The following THAP10 variants were observed in gnomAD, a reference collection of about 807,000 sequenced individuals.
THAP10 encodes THAP domain-containing protein 10.
A neutral mutation model predicts 15.7 loss-of-function variants in THAP10; 10 were observed. The ratio of observed to expected loss-of-function variants is 0.64; its 90% CI spans 0.39 to 1.08. The LOEUF is 1.08. THAP10 is among the 50% of genes least tolerant of loss of function. The pLI is 0.01. For missense variants in THAP10, 310 were observed against 330.9 expected (o/e 0.94, Z 0.49); for synonymous variants, 127 against 129.1 (o/e 0.98, Z 0.11).
intron 1 of THAP10, among the ~76,000 whole-genome samples, chr15:70,889,880 G>T (rs2141091094): frequency 6.6e-6 from 1 of 152,302 alleles, no homozygotes; most frequent in African/African-American, 2.4e-5. Flanking sequence ...TTTTAGCGAT[G>T]TGGTTAGGGT....
intron 1 of THAP10, among the ~76,000 whole-genome samples, chr15:70,884,907 TTG>T (rs1235640439): frequency 2.0e-5 from 3 of 152,292 alleles, no homozygotes; most frequent in East Asian, 1.9e-4. Context: ...TATTTTGATG[TTG>T]TCTTTTTATG....
rs780804830 is a variant in THAP10, at chr15:70,882,687, C to G, written c.578-37G>C. The G allele has an allele frequency of 3.1e-6, 5 of 1,611,158 alleles. No homozygotes were observed. In the African/African-American group the frequency reaches 6.7e-5, roughly 22 times the overall value. On this transcript the variant is annotated intron_variant, in intron 2 of 2. Transcript: ENST00000249861. ...TAAGCATAAGTACCTATGAGTTAGA[C>G]TTTGCTTTTCATATATCTTTAATAT...
intron 1 of THAP10, among the ~76,000 whole-genome samples, chr15:70,884,183 G>GA (rs2033342399): frequency 6.6e-6 from 1 of 152,050 alleles, no homozygotes; most frequent in Admixed American, 6.6e-5. Flanking sequence ...TCAAACCACT[G>GA]AAAAAATATT....
intron 1 of THAP10, among the ~76,000 whole-genome samples, chr15:70,886,775 A>G (rs1242808136): frequency 6.6e-6 from 1 of 152,078 alleles, no homozygotes; most frequent in Non-Finnish European, 1.5e-5. Context: ...CTGAGACAGG[A>G]GAATCGCTTG....
In THAP10 at chr15:70,892,216, C is replaced by T. The variant is rs768007421; in HGVS notation, c.57G>A (p.Ser19=). The part of the protein sequence containing the change: ...HCGNTTKSGK[S]LFRFPKDRAV... ...CCCGGTCCTTGGGAAAGCGGAACAG[C>T]GACTTCCCAGACTTGGTGGTGTTGC... Residue 19 remains serine, a synonymous_variant, in exon 1 of 3, where the codon TCG becomes TCA. Coordinates refer to ENST00000249861, the MANE Select transcript of THAP10 (RefSeq NM_020147.4). The T allele has an allele frequency of 2.2e-5, 35 of 1,599,510 alleles. 1 individual carries two copies. The Middle Eastern group carries it at 9.9e-4, about 45-fold the overall frequency.
At chr15:70,891,531 G>T (rs1009223131) in intron 1 of THAP10, among the ~76,000 whole-genome samples, 1 of 151,450 alleles carries the variant, frequency 6.6e-6, no homozygotes, top group Non-Finnish European at 1.5e-5. Context: ...CTGGAGCAGC[G>T]AGTGAAAGCA....
In THAP10 at chr15:70,882,395, A is replaced by T; in HGVS notation, c.*59T>A. On this transcript the variant is annotated 3_prime_UTR_variant, in exon 3 of 3. Transcript: ENST00000249861. Reference sequence around the variant, plus strand: ...GAAAGATTTACAATAGCAAAGAGATAATTATGTGAGTAAAGATTTGAAAAT... The same window carrying T: ...GAAAGATTTACAATAGCAAAGAGATTATTATGTGAGTAAAGATTTGAAAAT... The T allele has an allele frequency of 7.6e-7, 1 of 1,316,144 alleles. No individual in the cohort carries two copies. The allele number at this position is 1,316,144 out of a possible 1,614,324, so 81.5% of individuals were successfully genotyped here. A position where few individuals can be genotyped will look rare whatever the true frequency, so the allele number is the denominator to read the frequency against.
chr15:70,886,803 T>C (rs2141088391), intron 1 of THAP10, among the ~76,000 whole-genome samples: 1 of 151,598 alleles, frequency 6.6e-6, no homozygotes, highest in East Asian at 1.9e-4. Flanking sequence ...GTGGCAGAGG[T>C]TGTAGTGAGC....
At chr15:70,891,729 C>T (rs1021927599) in intron 1 of THAP10, 115 bp downstream of exon 1, 2 of 959,788 alleles carry the variant, frequency 2.1e-6, no homozygotes, top group Non-Finnish European at 3.0e-6. Context: ...CCTAACTTTG[C>T]AGATTAGAAA....
intron 1 of THAP10, among the ~76,000 whole-genome samples, chr15:70,888,387 G>A (rs1470301358): frequency 6.6e-6 from 1 of 152,160 alleles, no homozygotes; most frequent in Non-Finnish European, 1.5e-5. Flanking sequence ...CTTGATTTAT[G>A]ACAAAGTTGA....
chr15:70,884,364 C>T (rs2141086171), intron 1 of THAP10, among the ~76,000 whole-genome samples: 1 of 152,120 alleles, frequency 6.6e-6, no homozygotes, highest in African/African-American at 2.4e-5. Flanking sequence ...GAAACCCCAC[C>T]TCTACTAAAA....
intron 1 of THAP10, among the ~76,000 whole-genome samples, chr15:70,887,114 G>A (rs1595982112): frequency 6.6e-6 from 1 of 151,960 alleles, no homozygotes; most frequent in Admixed American, 6.5e-5. Context: ...TTATAACAAA[G>A]AAATTGAATC....
At position 70,892,017 on chromosome 15, in the gene THAP10, C is replaced by CGGCGCCT. The variant is rs1567038079; in HGVS notation, c.249_255dup (p.Val86ArgfsTer15). The CGGCGCCT allele has an allele frequency of 1.9e-6, 3 of 1,612,676 alleles. No homozygotes were observed. The African/African-American group carries it at 4.0e-5, about 21-fold the overall frequency. Reference sequence around the variant, plus strand: ...GCGGGCACCCGGTGCAGGGTGGGCACGGCGCCTGCCACCAGCCTCAGGCGC... The same window carrying CGGCGCCT: ...GCGGGCACCCGGTGCAGGGTGGGCACGGCGCCTGGCGCCTGCCACCAGCCTCAGGCGC... On this transcript the variant is annotated frameshift_variant, in exon 1 of 3. Transcript: ENST00000249861. LOFTEE classifies it high-confidence loss of function.
chr15:70,890,620 T>C (rs2033529454), intron 1 of THAP10, among the ~76,000 whole-genome samples: 1 of 152,188 alleles, frequency 6.6e-6, no homozygotes, highest in Non-Finnish European at 1.5e-5. Flanking sequence ...GAAGTATCTG[T>C]GCTATTGAAT....
In THAP10 at chr15:70,892,210, G is replaced by A. The variant is rs1174328890; in HGVS notation, c.63C>T (p.Phe21=). ...GNTTKSGKSL[F]RFPKDRAVRL... ...GCACGGCCCGGTCCTTGGGAAAGCG[G>A]AACAGCGACTTCCCAGACTTGGTGG... Residue 21 remains phenylalanine, a synonymous_variant, in exon 1 of 3, where the codon TTC becomes TTT. Transcript: ENST00000249861. 1 of 1,602,242 alleles carries A rather than the reference G, an allele frequency of 6.2e-7. No homozygotes were observed. Among genetic ancestry groups the A allele is most frequent in the Admixed American group, 1.7e-5 (1 of 58,440 alleles).
chr15:70,883,421 T>C (rs905099922), intron 1 of THAP10, among the ~76,000 whole-genome samples: 17 of 152,142 alleles, frequency 1.1e-4, no homozygotes, highest in African/African-American at 4.1e-4. Context: ...CTCGAACTCC[T>C]AACCTCAGGT....
chr15:70,882,392 G>C lies in THAP10; in HGVS notation c.*62C>G. 1 of 1,305,456 alleles carries C rather than the reference G, an allele frequency of 7.7e-7. No individual in the cohort carries two copies. The highest frequency in any genetic ancestry group is 1.1e-6 in the Non-Finnish European group (1 of 931,318). 80.9% of individuals were successfully genotyped at this position (1,305,456 alleles called of 1,614,324 possible). A position where few individuals can be genotyped will look rare whatever the true frequency, so the allele number is the denominator to read the frequency against. ...AGTGAAAGATTTACAATAGCAAAGA[G>C]ATAATTATGTGAGTAAAGATTTGAA... is the stretch of plus-strand genomic sequence containing the variant. On this transcript the variant is annotated 3_prime_UTR_variant, in exon 3 of 3. Transcript: ENST00000249861.
intron 1 of THAP10, 53 bp downstream of exon 1, chr15:70,891,791 A>G (rs1230494863): frequency 3.5e-6 from 5 of 1,442,780 alleles, no homozygotes; most frequent in Non-Finnish European, 4.6e-6. Flanking sequence ...TAAGTGGAGG[A>G]GCCCAGCCAG....
chr15:70,891,889 G>T lies in THAP10; in HGVS notation c.384C>A (p.Val128=). The T allele has an allele frequency of 6.2e-7, 1 of 1,612,630 alleles. No individual in the cohort carries two copies. The highest frequency in any genetic ancestry group is 1.3e-5 in the African/African-American group (1 of 75,048). Residue 128 remains valine, a synonymous_variant, in exon 1 of 3, where the codon GTC becomes GTA. Coordinates refer to ENST00000249861, the MANE Select transcript of THAP10 (RefSeq NM_020147.4). The stretch of plus-strand genomic sequence containing the variant: ...TCCCAGCTCGGGGGCGTGTACAGGA[G>T]ACTGGACCTGGGGCAGCCTCAGAAT... ...ARHSEAAPGP[V]SCTRPRAGKQ...
Sources: allele counts gnomAD v4.1 joint callset (sites outside exome capture counted in the v4.1 genomes callset), GRCh38; gene constraint gnomAD v4.1.1; transcripts MANE v1.5; gene names NCBI Gene and HGNC (gene_info 2026-07-23, HGNC 2026-07-21).